Variants in LRMDA observed in about 807,000 individuals in gnomAD.
LRMDA encodes the protein leucine-rich melanocyte differentiation-associated protein.
LRMDA carries 18 observed loss-of-function variants against 29.8 expected under a neutral mutation model. That is an observed-to-expected ratio of 0.60 (90% confidence interval 0.42 to 0.90). LRMDA has a LOEUF of 0.90. LRMDA is among the 40% of genes least tolerant of loss of function. The probability of loss-of-function intolerance (pLI) is 0.00; values close to 1 mark genes in which losing one functional copy is unlikely to be tolerated. For missense variants in LRMDA, 273 were observed against 273.9 expected (o/e 1.00, Z 0.02); for synonymous variants, 125 against 109.4 (o/e 1.14, Z -0.89).
intron 6 of LRMDA, among the ~76,000 whole-genome samples, chr10:76,381,982 C>A (rs187881055): frequency 6.6e-6 from 1 of 152,230 alleles, no homozygotes; most frequent in Admixed American, 6.5e-5. Flanking sequence ...TGGAAGTAGG[C>A]AAATAATAAT....
chr10:76,525,332 TTTCTGTTATGA>T (rs1302475063), intron 6 of LRMDA, among the ~76,000 whole-genome samples: 1 of 152,164 alleles, frequency 6.6e-6, no homozygotes, highest in African/African-American at 2.4e-5. Flanking sequence ...GGGGAGAAAC[TTTCTGTTATGA>T]AAACCGAAGC....
intron 6 of LRMDA, among the ~76,000 whole-genome samples, chr10:76,509,267 ATC>A (rs1485376282): frequency 6.6e-6 from 1 of 152,150 alleles, no homozygotes; most frequent in Non-Finnish European, 1.5e-5. Context: ...GGATACCAGA[ATC>A]CTTTCCAAGA....
intron 6 of LRMDA, among the ~76,000 whole-genome samples, chr10:76,434,077 A>G (rs1162765961): frequency 1.3e-5 from 2 of 152,230 alleles, no homozygotes; most frequent in Non-Finnish European, 2.9e-5. Context: ...TAGTAACAGA[A>G]GAATAAAAAA....
chr10:76,087,343 TACAA>T (rs1204086975), intron 5 of LRMDA, among the ~76,000 whole-genome samples: 3 of 152,206 alleles, frequency 2.0e-5, no homozygotes, highest in South Asian at 2.1e-4. Context: ...TCAGATTCTC[TACAA>T]ACAGAGTGGG....
chr10:76,305,935 C>T (rs1039656210), intron 5 of LRMDA, among the ~76,000 whole-genome samples: 2 of 152,126 alleles, frequency 1.3e-5, no homozygotes, highest in African/African-American at 2.4e-5. Context: ...TCTCAAATGA[C>T]TTTCCATCTA....
chr10:75,437,643 A>ATTCAG lies in LRMDA; in HGVS notation c.31-740_31-736dup, dbSNP rs557211405. On this transcript the variant is annotated intron_variant, in intron 1 of 6. Coordinates refer to ENST00000611255, the MANE Select transcript of LRMDA (RefSeq NM_001305581.2). ...CTCACAGGTTCTGGAATCAGTTCAGATTCAGTTCAGTTCAGCTTTTTAATA... is the reference window on the plus strand; with the variant it reads ...CTCACAGGTTCTGGAATCAGTTCAGATTCAGTTCAGTTCAGTTCAGCTTTTTAATA... Among the ~76,000 whole-genome samples the ATTCAG allele has an allele frequency of 1.3e-3, 193 of 152,326 alleles. 1 individual carries two copies. Among genetic ancestry groups the ATTCAG allele is most frequent in the African/African-American group, 4.4e-3 (181 of 41,584 alleles).
chr10:75,524,406 T>TG (rs1243965998), intron 2 of LRMDA, among the ~76,000 whole-genome samples: 2 of 152,128 alleles, frequency 1.3e-5, no homozygotes, highest in African/African-American at 4.8e-5. Context: ...ATCTGTATAA[T>TG]GGGGGACCAA....
At chr10:75,767,353 G>A (rs1843183098) in intron 2 of LRMDA, among the ~76,000 whole-genome samples, 1 of 152,166 alleles carries the variant, frequency 6.6e-6, no homozygotes, top group African/African-American at 2.4e-5. Flanking sequence ...GCGTGAGATA[G>A]TATCTCATTG....
chr10:75,481,657 T>C (rs1844857155), intron 2 of LRMDA, among the ~76,000 whole-genome samples: 1 of 152,202 alleles, frequency 6.6e-6, no homozygotes, highest in African/African-American at 2.4e-5. Flanking sequence ...GAGAGGCAAA[T>C]CTGATTATGC....
intron 5 of LRMDA, among the ~76,000 whole-genome samples, chr10:76,238,829 A>T (rs1382245430): frequency 6.6e-6 from 1 of 152,056 alleles, no homozygotes; most frequent in Admixed American, 6.5e-5. Context: ...CATATCCCAT[A>T]AAGAAGAGTG....
intron 5 of LRMDA, among the ~76,000 whole-genome samples, chr10:76,137,288 G>A (rs1267485570): frequency 6.6e-6 from 1 of 152,016 alleles, no homozygotes; most frequent in Non-Finnish European, 1.5e-5. Flanking sequence ...AGCTATAATC[G>A]GCTCAGCCAA....
At chr10:76,143,528 T>C (rs1415113315) in intron 5 of LRMDA, among the ~76,000 whole-genome samples, 1 of 152,138 alleles carries the variant, frequency 6.6e-6, no homozygotes, top group Admixed American at 6.5e-5. Flanking sequence ...TGCCCACTTT[T>C]TGATGGGGTT....
chr10:76,184,767 T>C (rs1416825670), intron 5 of LRMDA, among the ~76,000 whole-genome samples: 1 of 152,182 alleles, frequency 6.6e-6, no homozygotes, highest in Admixed American at 6.5e-5. Flanking sequence ...GCTGTCTTCT[T>C]TTCCCCCAGT....
At chr10:76,006,844 G>T (rs1254768134) in intron 2 of LRMDA, among the ~76,000 whole-genome samples, 5 of 152,170 alleles carry the variant, frequency 3.3e-5, no homozygotes, top group African/African-American at 1.2e-4. Flanking sequence ...AGAGGGGAAA[G>T]TAAGATGAGC....
At chr10:75,873,307 T>C (rs1219372137) in intron 2 of LRMDA, among the ~76,000 whole-genome samples, 1 of 152,252 alleles carries the variant, frequency 6.6e-6, no homozygotes, top group Non-Finnish European at 1.5e-5. Flanking sequence ...GCTCAATCAC[T>C]TTAATTCAGT....
intron 6 of LRMDA, among the ~76,000 whole-genome samples, chr10:76,426,364 A>AT (rs1330083117): frequency 6.6e-6 from 1 of 152,120 alleles, no homozygotes; most frequent in South Asian, 2.1e-4. Context: ...GATGATGAGC[A>AT]TTTTTTCATG....
chr10:75,829,348 GGCT>G (rs1844299865), intron 2 of LRMDA, among the ~76,000 whole-genome samples: 1 of 152,188 alleles, frequency 6.6e-6, no homozygotes, highest in Admixed American at 6.5e-5. Flanking sequence ...CCTGGATCAT[GGCT>G]GCACAGTTCT....
chr10:75,509,204 C>T (rs528840553), intron 2 of LRMDA, among the ~76,000 whole-genome samples: 1 of 152,258 alleles, frequency 6.6e-6, no homozygotes, highest in African/African-American at 2.4e-5. Flanking sequence ...TCTCCTACCC[C>T]GTTCGTGGTG....
At chr10:76,454,228 A>G (rs1564546121) in intron 6 of LRMDA, among the ~76,000 whole-genome samples, 1 of 152,218 alleles carries the variant, frequency 6.6e-6, no homozygotes, top group African/African-American at 2.4e-5. Context: ...ATGGAGGAGA[A>G]AGATAGACAA....
Sources: allele counts gnomAD v4.1 joint callset (sites outside exome capture counted in the v4.1 genomes callset), GRCh38; gene constraint gnomAD v4.1.1; transcripts MANE v1.5; gene names NCBI Gene and HGNC (gene_info 2026-07-23, HGNC 2026-07-21).